The following GUCY1A2 variants were observed in gnomAD, a reference collection of about 807,000 sequenced individuals.
GUCY1A2 encodes guanylate cyclase soluble subunit alpha-2.
GUCY1A2 carries 27 observed loss-of-function variants against 63.5 expected under a neutral mutation model. The observed-to-expected ratio is 0.43, with a 90% confidence interval of 0.31 to 0.59. The LOEUF is 0.59. Ranked by LOEUF, GUCY1A2 falls within the 20% of genes least tolerant of loss-of-function variation. The probability of loss-of-function intolerance (pLI) is 0.11; values close to 1 mark genes in which losing one functional copy is unlikely to be tolerated. For synonymous variants in GUCY1A2, 364 were observed against 343.5 expected, an observed-to-expected ratio of 1.06 and a Z score of -0.66; for missense variants, 768 against 913.3, an observed-to-expected ratio of 0.84 and a Z score of 2.05.
chr11:107,007,816 T>C (rs1014196296), intron 1 of GUCY1A2, among the ~76,000 whole-genome samples: 2 of 152,194 alleles, frequency 1.3e-5, no homozygotes, highest in Non-Finnish European at 2.9e-5. Context: ...GAATGTTTGG[T>C]AATACAGGAT....
intron 4 of GUCY1A2, among the ~76,000 whole-genome samples, chr11:106,895,102 T>C (rs1367407052): frequency 6.6e-6 from 1 of 150,542 alleles, no homozygotes; most frequent in African/African-American, 2.4e-5. Context: ...ATTACAAGAA[T>C]AACAAAGAAA....
Position 106,676,350 on chromosome 11 carries a change from T to C in GUCY1A2, c.*11199A>G, listed in dbSNP as rs1862345382. ...AATAATGGCTTTGGATTGAGATTTG[T>C]AAATGTTTGATCTCTTGATCCAAGC... is the stretch of plus-strand genomic sequence containing the variant. On this transcript the variant is annotated 3_prime_UTR_variant, in exon 8 of 8. Transcript: ENST00000526355. 1 of 185,742 alleles carries C rather than the reference T, an allele frequency of 5.4e-6. No individual in the cohort carries two copies. Among genetic ancestry groups the C allele is most frequent in the Non-Finnish European group, 1.1e-5 (1 of 87,892 alleles). The allele number at this position is 185,742 out of a possible 1,614,324, so 11.5% of individuals were successfully genotyped here. A position where few individuals can be genotyped will look rare whatever the true frequency, so the allele number is the denominator to read the frequency against.
chr11:106,706,642 A>ATTCTT (rs1862918063), intron 7 of GUCY1A2, among the ~76,000 whole-genome samples: 1 of 139,106 alleles, frequency 7.2e-6, no homozygotes, highest in African/African-American at 2.8e-5. Context: ...GGTTGGGCCC[A>ATTCTT]TTCTTTTACA....
intron 4 of GUCY1A2, among the ~76,000 whole-genome samples, chr11:106,850,679 C>A (rs910573135): frequency 2.0e-5 from 3 of 151,738 alleles, no homozygotes; most frequent in African/African-American, 7.2e-5. Context: ...GCAAATGACA[C>A]GGATGCATTC....
intron 4 of GUCY1A2, chr11:106,827,496 A>G: frequency 6.8e-7 from 1 of 1,468,714 alleles, no homozygotes; most frequent in Non-Finnish European, 9.5e-7. Flanking sequence ...CACTGTCTGT[A>G]TCACGGATTC....
intron 1 of GUCY1A2, among the ~76,000 whole-genome samples, chr11:107,002,015 T>C (rs1861617947): frequency 6.7e-6 from 1 of 148,680 alleles, no homozygotes; most frequent in Non-Finnish European, 1.5e-5. Flanking sequence ...TGAGACTCTG[T>C]CTCAAAAAAA....
At chr11:106,765,503 C>A (rs1366825852) in intron 6 of GUCY1A2, among the ~76,000 whole-genome samples, 1 of 152,014 alleles carries the variant, frequency 6.6e-6, no homozygotes, top group Non-Finnish European at 1.5e-5. Context: ...AATACCTAAC[C>A]AATTGTTTAG....
chr11:106,848,676 G>A (rs1181268767), intron 4 of GUCY1A2, among the ~76,000 whole-genome samples: 1 of 151,556 alleles, frequency 6.6e-6, no homozygotes, highest in African/African-American at 2.4e-5. Flanking sequence ...TTGTACACTG[G>A]CTTTGAGAGA....
Position 106,683,146 on chromosome 11 carries a change from CTTCAATAAT to C in GUCY1A2, c.*4394_*4402del, listed in dbSNP as rs1862459553. 1 of 215,590 alleles carries C rather than the reference CTTCAATAAT, an allele frequency of 4.6e-6. No individual in the cohort carries two copies. Among genetic ancestry groups the C allele is most frequent in the East Asian group, 6.9e-5 (1 of 14,506 alleles). 13.4% of individuals were successfully genotyped at this position (215,590 alleles called of 1,614,324 possible). ...ATAAATCGTTTAGAAATATGTTAAACTTCAATAATTCAGTCTCATGCATCATGATTTTTG... is the reference window on the plus strand; with the variant it reads ...ATAAATCGTTTAGAAATATGTTAAACTCAGTCTCATGCATCATGATTTTTG... On this transcript the variant is annotated 3_prime_UTR_variant, in exon 8 of 8. Transcript: ENST00000526355.
chr11:106,716,882 G>A (rs868590775), intron 6 of GUCY1A2, among the ~76,000 whole-genome samples: 34 of 151,928 alleles, frequency 2.2e-4, no homozygotes, highest in Middle Eastern at 3.4e-3. Flanking sequence ...TTGTGAACAC[G>A]GTACAGCGTT....
intron 6 of GUCY1A2, among the ~76,000 whole-genome samples, chr11:106,774,955 G>A (rs947997932): frequency 4.6e-5 from 7 of 152,044 alleles, no homozygotes; most frequent in South Asian, 2.1e-4. Flanking sequence ...TTATAGTTAC[G>A]TTAAAAATTG....
intron 1 of GUCY1A2, among the ~76,000 whole-genome samples, chr11:106,990,575 C>G (rs572229087): frequency 1.8e-4 from 27 of 152,010 alleles, no homozygotes; most frequent in Non-Finnish European, 3.5e-4. Flanking sequence ...AAAGATGTGT[C>G]TCTCTCTCTC....
chr11:106,946,048 T>C (rs1434908355), intron 3 of GUCY1A2, among the ~76,000 whole-genome samples: 1 of 152,168 alleles, frequency 6.6e-6, no homozygotes, highest in Non-Finnish European at 1.5e-5. Context: ...TTTGTTCATA[T>C]TCTGAAACTA....
chr11:106,937,092 T>C (rs1860689525), intron 4 of GUCY1A2, among the ~76,000 whole-genome samples: 1 of 152,156 alleles, frequency 6.6e-6, no homozygotes. Flanking sequence ...CTGACCATAG[T>C]ATCAATTTGG....
intron 1 of GUCY1A2, among the ~76,000 whole-genome samples, chr11:107,006,785 C>A (rs1307792687): frequency 6.6e-6 from 1 of 152,212 alleles, no homozygotes; most frequent in Non-Finnish European, 1.5e-5. Context: ...AAGGACAACA[C>A]TGAGGCACTG....
chr11:106,747,333 A>C (rs181812041), intron 6 of GUCY1A2, among the ~76,000 whole-genome samples: 30 of 152,294 alleles, frequency 2.0e-4, no homozygotes, highest in Admixed American at 2.0e-3. Flanking sequence ...AAAGTTAAAT[A>C]AATTTTTTAA....
intron 4 of GUCY1A2, among the ~76,000 whole-genome samples, chr11:106,823,125 T>A (rs988025929): frequency 6.6e-6 from 1 of 152,138 alleles, no homozygotes; most frequent in Admixed American, 6.5e-5. Flanking sequence ...AGGGGGAACA[T>A]GTACATGTTT....
chr11:106,953,949 A>T (rs183322131), intron 3 of GUCY1A2, among the ~76,000 whole-genome samples: 3 of 151,338 alleles, frequency 2.0e-5, no homozygotes, highest in Admixed American at 6.6e-5. Flanking sequence ...TATTTTGTTA[A>T]TTTTTTCAAA....
rs183438806 is a variant in GUCY1A2 at position 106,817,507 on chromosome 11, T to C, written c.1207-7029A>G. ...TAAAAATGAGAATAGATCAATGAGATTCTATCAAATTAAAAAGCTTCAGCA... is the reference window on the plus strand; with the variant it reads ...TAAAAATGAGAATAGATCAATGAGACTCTATCAAATTAAAAAGCTTCAGCA... On this transcript the variant is annotated intron_variant, in intron 4 of 7. Transcript: ENST00000526355. Among the ~76,000 whole-genome samples the C allele has an allele frequency of 4.4e-4, 67 of 152,058 alleles. No individual in the cohort carries two copies. In the East Asian group the frequency reaches 0.012, roughly 27 times the overall value.
Sources: gnomAD v4.1 joint callset for allele counts (sites outside exome capture counted in the v4.1 genomes callset) on GRCh38, gnomAD v4.1.1 for gene constraint, MANE v1.5 for transcripts, NCBI Gene and HGNC (gene_info 2026-07-23, HGNC 2026-07-21) for gene names.